Variants in POGK observed in about 807,000 individuals in gnomAD.
POGK encodes pogo transposable element derived with KRAB domain.
A neutral mutation model predicts 54.4 loss-of-function variants in POGK; 16 were observed. The observed-to-expected ratio is 0.29, with a 90% CI of 0.20 to 0.45. The LOEUF (loss-of-function observed/expected upper bound fraction) is 0.45. POGK is among the 20% of genes least tolerant of loss of function. The probability of loss-of-function intolerance (pLI) is 1.00; values close to 1 mark genes in which losing one functional copy is unlikely to be tolerated. For missense variants in POGK, 515 were observed against 795.6 expected (o/e 0.65, Z 4.24); for synonymous variants, 271 against 302.2 (o/e 0.90, Z 1.07).
rs777207177 is a variant in POGK at position 166,846,583 on chromosome 1, C to T, written c.133-29C>T. On this transcript the variant is annotated intron_variant, in intron 2 of 5. Transcript: ENST00000367876. ...AGTCTGTCTGCATATGCCTGTTTGT[C>T]ATTGTGAAAGGGCTGTTCACTCTTC... The T allele has an allele frequency of 9.9e-6, 16 of 1,613,414 alleles. No individual in the cohort carries two copies. In the East Asian group the frequency reaches 3.6e-4, roughly 36 times the overall value.
intron 2 of POGK, among the ~76,000 whole-genome samples, chr1:166,842,114 A>C (rs1212789934): frequency 1.3e-5 from 2 of 152,060 alleles, no homozygotes; most frequent in African/African-American, 4.8e-5. Flanking sequence ...CCTTCTTCCC[A>C]ATTCTGATCC....
rs1658189455 is a variant in POGK at position 166,854,154 on chromosome 1, GC to G, written c.*1586del. The G allele has an allele frequency of 6.6e-6, 1 of 152,524 alleles. No individual in the cohort carries two copies. The highest frequency in any genetic ancestry group is 6.5e-5 in the Admixed American group (1 of 15,278). The allele number at this position is 152,524 out of a possible 1,614,324, so 9.4% of individuals were successfully genotyped here. A position where few individuals can be genotyped will look rare whatever the true frequency, so the allele number is the denominator to read the frequency against. ...CCTTCCTTGGAGCCATAGTTACCCTGCCAAGAAGAGTAGAAAATGGGTTCAA... is the reference window on the plus strand; with the variant it reads ...CCTTCCTTGGAGCCATAGTTACCCTGCAAGAAGAGTAGAAAATGGGTTCAA... On this transcript the variant is annotated 3_prime_UTR_variant, in exon 6 of 6. Transcript: ENST00000367876.
At position 166,849,787 on chromosome 1, in the gene POGK, G is replaced by C; in HGVS notation, c.1208G>C (p.Gly403Ala). The part of the protein sequence containing the change: ...REKLKITAML[G>A]VLADGRKLPP... ...AAACTGAAAATCACAGCAATGCTTG[G>C]TGTCTTGGCTGATGGGAGGAAGTTA... The change falls in exon 5 of 6, where the codon GGT becomes GCT. Residue 403 changes from glycine to alanine, a missense_variant. Coordinates refer to ENST00000367876, the MANE Select transcript of POGK (RefSeq NM_017542.5). 1 of 1,614,266 alleles carries C rather than the reference G, an allele frequency of 6.2e-7. No individual in the cohort carries two copies. Among genetic ancestry groups the C allele is most frequent in the Non-Finnish European group, 8.5e-7 (1 of 1,180,044 alleles).
chr1:166,845,053 G>A (rs966102059), intron 2 of POGK, among the ~76,000 whole-genome samples: 1 of 152,186 alleles, frequency 6.6e-6, no homozygotes, highest in Non-Finnish European at 1.5e-5. Context: ...CAGAGCTGGG[G>A]AGAGTTGAGG....
chr1:166,851,207 GC>G (rs1043262698), intron 5 of POGK: 1 of 152,140 alleles, frequency 6.6e-6, no homozygotes, highest in Non-Finnish European at 1.5e-5. Flanking sequence ...ACTTTTGCTG[GC>G]CTGTAGGACT....
chr1:166,850,546 C>T, intron 5 of POGK, 123 bp downstream of exon 5: 1 of 1,156,426 alleles, frequency 8.6e-7, no homozygotes, highest in Non-Finnish European at 1.2e-6. Context: ...TAGTGTAGAT[C>T]AGGGGTCCCC....
chr1:166,854,189 T>G lies in POGK; in HGVS notation c.*1619T>G, dbSNP rs1658191071. 1 of 152,628 alleles carries G rather than the reference T, an allele frequency of 6.6e-6. No individual in the cohort carries two copies. The highest frequency in any genetic ancestry group is 1.5e-5 in the Non-Finnish European group (1 of 68,046). 9.5% of individuals were successfully genotyped at this position (152,628 alleles called of 1,614,324 possible). A position where few individuals can be genotyped will look rare whatever the true frequency, so the allele number is the denominator to read the frequency against. Reference sequence around the variant, plus strand: ...GTAGAAAATGGGTTCAACTCCTGTTTCGCTCCACCAACACCTCTGTGAGTC... The same window carrying G: ...GTAGAAAATGGGTTCAACTCCTGTTGCGCTCCACCAACACCTCTGTGAGTC... On this transcript the variant is annotated 3_prime_UTR_variant, in exon 6 of 6. Transcript: ENST00000367876.
At chr1:166,841,234 C>A (rs1657499115) in intron 2 of POGK, 146 bp downstream of exon 2, 8 of 1,104,044 alleles carry the variant, frequency 7.2e-6, no homozygotes, top group Non-Finnish European at 1.0e-5. Context: ...AGCTCTGTGG[C>A]TTTAAAAGGC....
chr1:166,844,860 G>A (rs1165185508), intron 2 of POGK, among the ~76,000 whole-genome samples: 5 of 152,178 alleles, frequency 3.3e-5, no homozygotes, highest in South Asian at 4.1e-4. Flanking sequence ...TGCTCACAGC[G>A]TGGCACAGAG....
At position 166,840,989 on chromosome 1, in the gene POGK, C is replaced by T. The variant is rs1657479069; in HGVS notation, c.33C>T (p.Ser11=). The change falls in exon 2 of 6, where the codon AGC becomes AGT. Residue 11 remains serine, a synonymous_variant. Coordinates refer to ENST00000367876, the MANE Select transcript of POGK (RefSeq NM_017542.5). MESTAYPLNL[S]LKEEEEEEEI... ...CCACAGCCTACCCTCTCAATTTGAGCCTGAAAGAAGAGGAAGAGGAAGAAG... is the reference window on the plus strand; with the variant it reads ...CCACAGCCTACCCTCTCAATTTGAGTCTGAAAGAAGAGGAAGAGGAAGAAG... 6.2e-7 allele frequency: 1 copy of T among 1,613,850 alleles called. No homozygotes were observed. Among genetic ancestry groups the T allele is most frequent in the East Asian group, 2.2e-5 (1 of 44,874 alleles).
At chr1:166,842,831 GC>G (rs1194110366) in intron 2 of POGK, among the ~76,000 whole-genome samples, 1 of 151,794 alleles carries the variant, frequency 6.6e-6, no homozygotes, top group Admixed American at 6.6e-5. Flanking sequence ...TGCACAGGAT[GC>G]CCCCCCACCA....
intron 2 of POGK, 148 bp from the exon 3 acceptor site, chr1:166,846,463 TG>T (rs1657851896): frequency 1.0e-6 from 1 of 1,000,194 alleles, no homozygotes; most frequent in Non-Finnish European, 1.5e-6. Context: ...TGTATGAATG[TG>T]GACAGTCCGT....
Position 166,841,020 on chromosome 1 carries a change from C to T in POGK, c.64C>T (p.Gln22Ter). 1.2e-6 allele frequency: 2 copies of T among 1,614,088 alleles called. No individual in the cohort carries two copies. Among genetic ancestry groups the T allele is most frequent in the Non-Finnish European group, 1.7e-6 (2 of 1,179,994 alleles). ...LKEEEEEEEI[Q>*]SRELEDGPAD... is the part of the protein sequence containing the mutation. ...AGAAGAGGAAGAGGAAGAAGAGATTCAGAGCCGGGAACTAGAGGACGGCCC... is the reference window on the plus strand; with the variant it reads ...AGAAGAGGAAGAGGAAGAAGAGATTTAGAGCCGGGAACTAGAGGACGGCCC... The change falls in exon 2 of 6, where the codon CAG becomes TAG. Residue 22 changes from glutamine to a stop codon, truncating the protein, a stop_gained. Coordinates refer to ENST00000367876, the MANE Select transcript of POGK (RefSeq NM_017542.5). LOFTEE classifies it high-confidence loss of function.
intron 2 of POGK, 43 bp from the exon 3 acceptor site, chr1:166,846,569 A>T: frequency 6.2e-7 from 1 of 1,613,090 alleles, no homozygotes. Flanking sequence ...GTCTGTCTGC[A>T]TATGCCTGTT....
intron 4 of POGK, 79 bp downstream of exon 4, chr1:166,847,671 G>T: frequency 1.9e-6 from 2 of 1,080,912 alleles, no homozygotes; most frequent in South Asian, 2.8e-5. Flanking sequence ...ATTCCACGGG[G>T]TATTTAAGAG....
chr1:166,848,916 C>T (rs1398706422), intron 4 of POGK, 22 bp from the exon 5 acceptor site: 1 of 1,554,864 alleles, frequency 6.4e-7, no homozygotes, highest in Non-Finnish European at 8.7e-7. Flanking sequence ...ATTATTTTTG[C>T]CCCTCACTAT....
chr1:166,841,199 G>A (rs761192814), intron 2 of POGK, 111 bp downstream of exon 2: 80 of 1,415,798 alleles, frequency 5.7e-5, no homozygotes, highest in Non-Finnish European at 7.2e-5. Context: ...AGCCCAGCCC[G>A]GTGTGTTTGC....
chr1:166,848,587 C>T lies in POGK; in HGVS notation c.359-351C>T, dbSNP rs554229338. Among the ~76,000 whole-genome samples, 8 of 152,320 alleles carry T rather than the reference C, an allele frequency of 5.3e-5. No individual in the cohort carries two copies. In the South Asian group the frequency reaches 1.4e-3, roughly 28 times the overall value. ...CACATAAAAAGTATTTTGATGCAAACATGGCCCCCAAATTATTTGGTCCAA... is the reference window on the plus strand; with the variant it reads ...CACATAAAAAGTATTTTGATGCAAATATGGCCCCCAAATTATTTGGTCCAA... On this transcript the variant is annotated intron_variant, in intron 4 of 5. Coordinates refer to ENST00000367876, the MANE Select transcript of POGK (RefSeq NM_017542.5).
chr1:166,850,494 T>G, intron 5 of POGK, 71 bp downstream of exon 5: 1 of 1,471,532 alleles, frequency 6.8e-7, no homozygotes, highest in Admixed American at 2.4e-5. Context: ...CTTCTCTCCA[T>G]TATTTTTCTG....
Sources: allele counts gnomAD v4.1 joint callset (sites outside exome capture counted in the v4.1 genomes callset), GRCh38; gene constraint gnomAD v4.1.1; transcripts MANE v1.5; gene names NCBI Gene and HGNC (gene_info 2026-07-23, HGNC 2026-07-21).